KCNJ16: variants seen among roughly 807,000 people sequenced by gnomAD.
KCNJ16 encodes potassium inwardly rectifying channel subfamily J member 16, also known as inward rectifier potassium channel 16.
KCNJ16 carries 15 observed loss-of-function variants against 18.5 expected under a neutral mutation model. The observed-to-expected ratio is 0.81, with a 90% CI of 0.54 to 1.25. The LOEUF is 1.25. Ranked by LOEUF, KCNJ16 falls within the 50% of genes most tolerant of loss-of-function variation. The probability of loss-of-function intolerance (pLI) is 0.00; values close to 1 mark genes in which losing one functional copy is unlikely to be tolerated. For synonymous variants in KCNJ16, 174 were observed against 186.5 expected, an observed-to-expected ratio of 0.93 and a Z score of 0.55; for missense variants, 523 against 525.7, an observed-to-expected ratio of 0.99 and a Z score of 0.05.
chr17:70,092,603 A>ATAGT (rs2072173466), intron 1 of KCNJ16, among the ~76,000 whole-genome samples: 1 of 151,636 alleles, frequency 6.6e-6, no homozygotes. Context: ...AGATAGATAG[A>ATAGT]TAGATAGATG....
At chr17:70,097,489 GC>G (rs1178104738) in intron 1 of KCNJ16, among the ~76,000 whole-genome samples, 1 of 152,108 alleles carries the variant, frequency 6.6e-6, no homozygotes, top group Non-Finnish European at 1.5e-5. Flanking sequence ...AGAAATAAGA[GC>G]TCCATCAGGA....
chr17:70,088,350 ACT>A (rs1353044070), intron 1 of KCNJ16, among the ~76,000 whole-genome samples: 4 of 151,996 alleles, frequency 2.6e-5, no homozygotes, highest in Non-Finnish European at 5.9e-5. Flanking sequence ...CTTCTATGAG[ACT>A]CTAATGCTGC....
chr17:70,118,186 A>T (rs2073486068), intron 2 of KCNJ16, among the ~76,000 whole-genome samples: 1 of 149,798 alleles, frequency 6.7e-6, no homozygotes, highest in Admixed American at 6.6e-5. Flanking sequence ...AACCTAGGTG[A>T]TTTAAACCTG....
At chr17:70,098,117 A>G (rs1173133016) in intron 1 of KCNJ16, among the ~76,000 whole-genome samples, 1 of 152,202 alleles carries the variant, frequency 6.6e-6, no homozygotes, top group African/African-American at 2.4e-5. Context: ...TTTAGATCCC[A>G]GGATGCAGCC....
Position 70,133,419 on chromosome 17 carries a change from T to C in KCNJ16, c.*75T>C, listed in dbSNP as rs1445584484. The C allele has an allele frequency of 3.0e-6, 4 of 1,325,786 alleles. No homozygotes were observed. The highest frequency in any genetic ancestry group is 4.2e-6 in the Non-Finnish European group (4 of 956,466). The allele number at this position is 1,325,786 out of a possible 1,614,324, so 82.1% of individuals were successfully genotyped here. On this transcript the variant is annotated 3_prime_UTR_variant, in exon 4 of 4. Transcript: ENST00000392671. The stretch of plus-strand genomic sequence containing the variant: ...CCAATCAAGTCGTTGTAAACGTGGC[T>C]TTTTTGAAAGTGTTATGGCTATGTT...
In KCNJ16 at chr17:70,115,535, T is replaced by C. The variant is rs562674904; in HGVS notation, c.-191+14769T>C. On this transcript the variant is annotated intron_variant, in intron 2 of 3. Coordinates refer to ENST00000392671, the MANE Select transcript of KCNJ16 (RefSeq NM_170741.4). ...TCCAAAGTTATTGAAAATATTAAGA[T>C]AAAAGAAAGATTGTTAAAACAGACA... Among the ~76,000 whole-genome samples, 3 of 152,176 alleles carry C rather than the reference T, an allele frequency of 2.0e-5. No individual in the cohort carries two copies. The South Asian group carries it at 6.2e-4, about 32-fold the overall frequency.
chr17:70,119,733 T>C (rs1212056380), intron 2 of KCNJ16, among the ~76,000 whole-genome samples: 1 of 152,160 alleles, frequency 6.6e-6, no homozygotes, highest in African/African-American at 2.4e-5. Flanking sequence ...AAACCACTAT[T>C]TTCTCCTAGA....
intron 2 of KCNJ16, among the ~76,000 whole-genome samples, chr17:70,113,372 G>A (rs1174014551): frequency 6.6e-6 from 1 of 152,128 alleles, no homozygotes; most frequent in Admixed American, 6.5e-5. Context: ...TGGTTTACTT[G>A]GCAAGACTGA....
rs771489096 is a variant in KCNJ16 at position 70,106,943 on chromosome 17, T to C, written c.-191+6177T>C. 2.6e-5 allele frequency among the ~76,000 whole-genome samples: 4 copies of C among 152,212 alleles called. No individual in the cohort carries two copies. The East Asian group carries it at 5.8e-4, about 22-fold the overall frequency. On this transcript the variant is annotated intron_variant, in intron 2 of 3. Coordinates refer to ENST00000392671, the MANE Select transcript of KCNJ16 (RefSeq NM_170741.4). ...GCCTCTTAATAGGCCACCCCCTTAA[T>C]AGGCCTCAGAATATCTGCTTTAAAG... is the stretch of plus-strand genomic sequence containing the variant.
At chr17:70,095,484 G>T (rs1247665098) in intron 1 of KCNJ16, among the ~76,000 whole-genome samples, 2 of 152,150 alleles carry the variant, frequency 1.3e-5, no homozygotes, top group African/African-American at 4.8e-5. Context: ...CCTACCTCCA[G>T]CTTCCTCAGC....
chr17:70,103,311 T>C (rs1222953649), intron 2 of KCNJ16, among the ~76,000 whole-genome samples: 15 of 16,890 alleles, frequency 8.9e-4, no homozygotes, highest in East Asian at 7.1e-3. Context: ...TATATATATA[T>C]ATATATATAT....
At chr17:70,103,303 T>A (rs1567789379) in intron 2 of KCNJ16, among the ~76,000 whole-genome samples, 1 of 18,830 alleles carries the variant, frequency 5.3e-5, no homozygotes, top group Non-Finnish European at 1.3e-4. Context: ...TGTGTATATA[T>A]ATATATATAT....
chr17:70,083,298 G>T (rs1339533484), intron 1 of KCNJ16, among the ~76,000 whole-genome samples: 1 of 149,072 alleles, frequency 6.7e-6, no homozygotes, highest in Non-Finnish European at 1.5e-5. Context: ...ATATCTATAT[G>T]ATATATATGT....
chr17:70,113,725 G>A (rs7209264), intron 2 of KCNJ16, among the ~76,000 whole-genome samples: 13,056 of 152,130 alleles, frequency 0.086, 1,882 homozygotes, highest in African/African-American at 0.3. Flanking sequence ...CGCTGTGTGT[G>A]TAGACATTCA....
rs1046109066 is a variant in KCNJ16, at chr17:70,084,455, C to T, written c.-300+9065C>T. On this transcript the variant is annotated intron_variant, in intron 1 of 3. Transcript: ENST00000392671. ...ATAAAATGAGATTAATACACACAAA[C>T]GAGCTTTGGAAGTGTTAAACTTTTA... Among the ~76,000 whole-genome samples, 5 of 152,108 alleles carry T rather than the reference C, an allele frequency of 3.3e-5. No homozygotes were observed. The East Asian group carries it at 7.7e-4, about 23-fold the overall frequency.
intron 2 of KCNJ16, chr17:70,128,522 C>T (rs545233687): frequency 6.6e-6 from 1 of 152,266 alleles, no homozygotes; most frequent in East Asian, 1.9e-4. Flanking sequence ...CTTCACCAAC[C>T]TGAGTGCATT....
intron 1 of KCNJ16, among the ~76,000 whole-genome samples, chr17:70,089,626 C>G (rs965552827): frequency 1.3e-5 from 2 of 152,086 alleles, no homozygotes; most frequent in East Asian, 3.9e-4. Context: ...GTCTATAACC[C>G]GAGGGCACTC....
chr17:70,076,673 A>G (rs1421256897), intron 1 of KCNJ16, among the ~76,000 whole-genome samples: 2 of 152,178 alleles, frequency 1.3e-5, no homozygotes, highest in Non-Finnish European at 2.9e-5. Flanking sequence ...CATGAGAGAG[A>G]ACAAGAGTCT....
intron 1 of KCNJ16, among the ~76,000 whole-genome samples, chr17:70,080,853 A>T (rs1007743085): frequency 1.8e-4 from 28 of 152,188 alleles, no homozygotes; most frequent in African/African-American, 6.5e-4. Context: ...TGCCTGGCCT[A>T]ATGGCTGGAC....
Sources: allele counts gnomAD v4.1 joint callset (sites outside exome capture counted in the v4.1 genomes callset), GRCh38; gene constraint gnomAD v4.1.1; transcripts MANE v1.5; gene names NCBI Gene and HGNC (gene_info 2026-07-23, HGNC 2026-07-21).